The following HORMAD2 variants were observed in gnomAD, a reference collection of about 807,000 sequenced individuals.
HORMAD2 encodes HORMA domain containing 2.
A neutral mutation model predicts 38.8 loss-of-function variants in HORMAD2; 45 were observed. That is an observed-to-expected ratio of 1.16 (90% confidence interval 0.91 to 1.49). The LOEUF is 1.49. Ranked by LOEUF, HORMAD2 falls within the 40% of genes most tolerant of loss-of-function variation. The pLI is 0.00. For synonymous variants in HORMAD2, 126 were observed against 122.8 expected (o/e 1.03, Z -0.17); for missense variants, 338 against 367.0 (o/e 0.92, Z 0.65).
At chr22:30,124,469 G>C (rs188382171) in intron 10 of HORMAD2, among the ~76,000 whole-genome samples, 5 of 152,232 alleles carry the variant, frequency 3.3e-5, no homozygotes, top group African/African-American at 1.2e-4. Flanking sequence ...AAGCCACCAC[G>C]TGTCCCTTCC....
chr22:30,137,416 G>A (rs1040307150), intron 10 of HORMAD2: 5 of 431,378 alleles, frequency 1.2e-5, no homozygotes, highest in Non-Finnish European at 1.8e-5. Context: ...GAGCCCAGGA[G>A]GTCAAGGCTG....
intron 10 of HORMAD2, among the ~76,000 whole-genome samples, chr22:30,138,180 T>G (rs1227393485): frequency 6.6e-6 from 1 of 152,170 alleles, no homozygotes; most frequent in Admixed American, 6.5e-5. Context: ...AAGCATCTTT[T>G]CATGTGCTTC....
intron 10 of HORMAD2, among the ~76,000 whole-genome samples, chr22:30,142,241 TG>T (rs1924131994): frequency 6.6e-6 from 1 of 152,182 alleles, no homozygotes; most frequent in Admixed American, 6.5e-5. Flanking sequence ...ATCACTCCAC[TG>T]CACTCCAGCC....
At chr22:30,169,993 A>G (rs1320553764) in intron 10 of HORMAD2, among the ~76,000 whole-genome samples, 1 of 152,160 alleles carries the variant, frequency 6.6e-6, no homozygotes, top group Non-Finnish European at 1.5e-5. Flanking sequence ...CGTTAATAGC[A>G]TTTATTTTAT....
intron 10 of HORMAD2, among the ~76,000 whole-genome samples, chr22:30,151,994 G>C (rs1924780552): frequency 6.6e-6 from 1 of 152,106 alleles, no homozygotes; most frequent in Admixed American, 6.5e-5. Flanking sequence ...GATGCTTCTA[G>C]TTACCTGTTT....
chr22:30,200,624 G>C, the HORMAD2 span, among the ~76,000 whole-genome samples: 2 of 151,890 alleles, frequency 1.3e-5, no homozygotes, highest in Non-Finnish European at 2.9e-5. Context: ...TGATTGCAAA[G>C]AATAATATTT....
chr22:30,132,305 G>A (rs1923338018), intron 10 of HORMAD2, among the ~76,000 whole-genome samples: 1 of 152,186 alleles, frequency 6.6e-6, no homozygotes, highest in Non-Finnish European at 1.5e-5. Context: ...CATCAGGCCA[G>A]GTGCAGTGGC....
At chr22:30,135,661 T>C (rs1923601598) in intron 10 of HORMAD2, among the ~76,000 whole-genome samples, 1 of 152,098 alleles carries the variant, frequency 6.6e-6, no homozygotes. Flanking sequence ...GTTCACATAA[T>C]TACCAGTCAA....
intron 1 of HORMAD2, among the ~76,000 whole-genome samples, chr22:30,084,858 C>T (rs1415773212): frequency 6.6e-6 from 1 of 151,904 alleles, no homozygotes; most frequent in African/African-American, 2.4e-5. Flanking sequence ...CAAGAATGAG[C>T]TAAACGGCCA....
the HORMAD2 span, among the ~76,000 whole-genome samples, chr22:30,186,838 A>G: frequency 1.3e-5 from 2 of 150,834 alleles, no homozygotes; most frequent in Non-Finnish European, 3.0e-5. Context: ...TCAAATTGCG[A>G]TAGTATAACC....
At chr22:30,089,815 C>T (rs566784820) in intron 1 of HORMAD2, among the ~76,000 whole-genome samples, 1 of 152,300 alleles carries the variant, frequency 6.6e-6, no homozygotes, top group South Asian at 2.1e-4. Context: ...CAACCATTAT[C>T]ACTATCCATT....
At chr22:30,164,454 A>G (rs1327671780) in intron 10 of HORMAD2, among the ~76,000 whole-genome samples, 1 of 152,206 alleles carries the variant, frequency 6.6e-6, no homozygotes. Context: ...CAGCATCCCC[A>G]ACTTGTTATT....
chr22:30,085,070 C>T (rs185846492), intron 1 of HORMAD2, among the ~76,000 whole-genome samples: 201 of 151,340 alleles, frequency 1.3e-3, no homozygotes, highest in African/African-American at 4.4e-3. Context: ...GGCATGAACC[C>T]GGGAGGTGGG....
In HORMAD2 at chr22:30,176,165, T is replaced by A. The variant is rs1326455437; in HGVS notation, c.922T>A (p.Ter308ArgextTer12). 1 of 1,573,584 alleles carries A rather than the reference T, an allele frequency of 6.4e-7. No individual in the cohort carries two copies. The highest frequency in any genetic ancestry group is 1.1e-5 in the South Asian group (1 of 90,100). Residue 308 changes from the stop codon to arginine (R), a stop_lost, in exon 11 of 11, where the codon TGA becomes AGA. Transcript: ENST00000336726. ...PVKVFIPNRK* is the reference protein window; with the variant it reads ...PVKVFIPNRKR ...GAAGGTCTTCATCCCTAACAGAAAA[T>A]GAAAGCTAAATATTCCTTCTACATT... is the stretch of plus-strand genomic sequence containing the variant.
chr22:30,097,243 A>G (rs747579826), intron 2 of HORMAD2, among the ~76,000 whole-genome samples: 2 of 152,228 alleles, frequency 1.3e-5, no homozygotes, highest in Non-Finnish European at 2.9e-5. Context: ...AATTTGAGAT[A>G]CCGGCACAAC....
the HORMAD2 span, among the ~76,000 whole-genome samples, chr22:30,203,997 G>A: frequency 2.6e-5 from 4 of 152,094 alleles, no homozygotes; most frequent in Non-Finnish European, 5.9e-5. Context: ...ACACACATGT[G>A]CATCCTCACA....
chr22:30,198,508 CT>C, the HORMAD2 span, among the ~76,000 whole-genome samples: 136,438 of 149,822 alleles, frequency 0.91, 62,187 homozygotes, highest in East Asian at 1. Flanking sequence ...GAGCACAGAT[CT>C]TTTTTTTTTT....
At chr22:30,126,186 C>T (rs1423485735) in intron 10 of HORMAD2, among the ~76,000 whole-genome samples, 1 of 150,728 alleles carries the variant, frequency 6.6e-6, no homozygotes, top group South Asian at 2.1e-4. Context: ...TTTTTTGAGA[C>T]GGAGTCTCCC....
chr22:30,204,384 A>AC, the HORMAD2 span, among the ~76,000 whole-genome samples: 155 of 152,324 alleles, frequency 1.0e-3, no homozygotes, highest in African/African-American at 3.4e-3. Flanking sequence ...GGTGGTTAAC[A>AC]CTTATTTCAT....
Sources: gnomAD v4.1 joint callset for allele counts (sites outside exome capture counted in the v4.1 genomes callset) on GRCh38, gnomAD v4.1.1 for gene constraint, MANE v1.5 for transcripts, NCBI Gene and HGNC (gene_info 2026-07-23, HGNC 2026-07-21) for gene names.